The following EXOC6B variants were observed in gnomAD, a reference collection of about 807,000 sequenced individuals.
EXOC6B encodes SEC15 homolog B.
In EXOC6B, 54 loss-of-function variants were observed where a neutral mutation model predicts 113.5. The observed-to-expected ratio is 0.48, with a 90% confidence interval of 0.38 to 0.60. EXOC6B has a LOEUF of 0.60. EXOC6B is among the 20% of genes least tolerant of loss of function. The pLI is 0.00. For missense variants in EXOC6B, 797 were observed against 977.5 expected (o/e 0.82, Z 2.46); for synonymous variants, 357 against 339.0 (o/e 1.05, Z -0.58).
intron 1 of EXOC6B, among the ~76,000 whole-genome samples, chr2:72,806,059 G>A (rs1244454837): frequency 6.6e-6 from 1 of 151,504 alleles, no homozygotes; most frequent in Non-Finnish European, 1.5e-5. Context: ...TTAGATTCAG[G>A]GGTACATGTG....
chr2:72,495,846 T>C (rs910260889), intron 14 of EXOC6B, among the ~76,000 whole-genome samples: 1 of 152,188 alleles, frequency 6.6e-6, no homozygotes, highest in Non-Finnish European at 1.5e-5. Context: ...CATTATGTTA[T>C]ATCAAAGAAG....
chr2:72,734,276 C>G (rs1341469490), intron 2 of EXOC6B, among the ~76,000 whole-genome samples: 1 of 152,166 alleles, frequency 6.6e-6, no homozygotes, highest in Non-Finnish European at 1.5e-5. Flanking sequence ...CTCCAGGAAG[C>G]CTCTTTAAAG....
At chr2:72,809,690 A>G (rs1041591941) in intron 1 of EXOC6B, among the ~76,000 whole-genome samples, 2 of 152,222 alleles carry the variant, frequency 1.3e-5, no homozygotes, top group African/African-American at 4.8e-5. Flanking sequence ...GACACCAAGA[A>G]GACATAGCAA....
chr2:72,401,566 C>CATATATATATATATATGTGT lies in EXOC6B; in HGVS notation c.1981-21697_1981-21696insACACATATATATATATATAT, dbSNP rs1383620831. Among the ~76,000 whole-genome samples, 10 of 14,878 alleles carry CATATATATATATATATGTGT rather than the reference C, an allele frequency of 6.7e-4. 1 individual carries two copies. Among genetic ancestry groups the CATATATATATATATATGTGT allele is most frequent in the South Asian group, 1.5e-3 (1 of 650 alleles). 9.8% of individuals were successfully genotyped at this position (14,878 alleles called of 152,430 possible). A position where few individuals can be genotyped will look rare whatever the true frequency, so the allele number is the denominator to read the frequency against. ...ATATGTGTATATATATATATATATA[C>CATATATATATATATATGTGT]ATATATATATATATACATATATATA... On this transcript the variant is annotated intron_variant, in intron 18 of 21. Transcript: ENST00000272427.
intron 8 of EXOC6B, among the ~76,000 whole-genome samples, chr2:72,550,653 G>T (rs562448366): frequency 7.4e-4 from 113 of 152,146 alleles, no homozygotes; most frequent in African/African-American, 2.6e-3. Context: ...GCAGTTTAAG[G>T]TCTTCCTGCT....
intron 20 of EXOC6B, among the ~76,000 whole-genome samples, chr2:72,280,237 A>G (rs1165273747): frequency 6.6e-6 from 1 of 151,900 alleles, no homozygotes; most frequent in African/African-American, 2.4e-5. Context: ...CCTATCATAG[A>G]TCAGTGATGA....
At chr2:72,740,803 C>T (rs1013539355) in intron 2 of EXOC6B, among the ~76,000 whole-genome samples, 17 of 151,890 alleles carry the variant, frequency 1.1e-4, no homozygotes, top group African/African-American at 4.1e-4. Flanking sequence ...TAAAATATAA[C>T]TTTAAAAGGG....
intron 6 of EXOC6B, among the ~76,000 whole-genome samples, chr2:72,605,364 T>C (rs900085472): frequency 2.6e-5 from 4 of 151,786 alleles, no homozygotes; most frequent in African/African-American, 9.7e-5. Flanking sequence ...GATGAGAACG[T>C]ATGTCACTTA....
chr2:72,279,106 A>G (rs1433071515), intron 20 of EXOC6B, among the ~76,000 whole-genome samples: 1 of 152,198 alleles, frequency 6.6e-6, no homozygotes, highest in Non-Finnish European at 1.5e-5. Flanking sequence ...GCTCCATGAT[A>G]CCAAAAGGAT....
At chr2:72,216,757 C>T (rs1413438268) in intron 20 of EXOC6B, among the ~76,000 whole-genome samples, 4 of 151,996 alleles carry the variant, frequency 2.6e-5, no homozygotes, top group African/African-American at 7.3e-5. Context: ...TGCAGGGACA[C>T]GGGTGAAGCA....
chr2:72,384,547 G>C (rs777650495), intron 18 of EXOC6B, among the ~76,000 whole-genome samples: 2 of 151,862 alleles, frequency 1.3e-5, no homozygotes, highest in Admixed American at 6.6e-5. Flanking sequence ...GAAATAAAAA[G>C]CATCCAAATT....
intron 20 of EXOC6B, among the ~76,000 whole-genome samples, chr2:72,283,872 G>C (rs1008189467): frequency 4.6e-5 from 7 of 152,076 alleles, no homozygotes; most frequent in African/African-American, 1.7e-4. Context: ...CCACAAATTT[G>C]ATAACCTAGA....
intron 8 of EXOC6B, among the ~76,000 whole-genome samples, chr2:72,554,439 G>A: frequency 6.6e-6 from 1 of 152,234 alleles, no homozygotes; most frequent in Middle Eastern, 3.4e-3. Flanking sequence ...TAGATTATGG[G>A]GGCAGTTTCC....
intron 18 of EXOC6B, among the ~76,000 whole-genome samples, chr2:72,401,076 T>TTATA (rs933931680): frequency 2.0e-5 from 3 of 150,870 alleles, no homozygotes; most frequent in African/African-American, 4.9e-5. Flanking sequence ...CAAAGAAATG[T>TTATA]TATATATATA....
intron 20 of EXOC6B, among the ~76,000 whole-genome samples, chr2:72,230,235 G>A (rs577546774): frequency 3.3e-5 from 5 of 152,196 alleles, no homozygotes; most frequent in East Asian, 1.9e-4. Context: ...CCTTCACTGC[G>A]GGACACTTAT....
At chr2:72,822,683 T>TAG (rs1167142127) in intron 1 of EXOC6B, among the ~76,000 whole-genome samples, 7 of 151,374 alleles carry the variant, frequency 4.6e-5, no homozygotes, top group Non-Finnish European at 7.4e-5. Flanking sequence ...ATTTTAGGGA[T>TAG]ATACTAATCT....
chr2:72,326,705 A>C (rs976417819), intron 20 of EXOC6B, among the ~76,000 whole-genome samples: 11 of 151,960 alleles, frequency 7.2e-5, no homozygotes, highest in African/African-American at 1.4e-4. Context: ...GTTCTGTAAA[A>C]GGTCATTCTA....
In EXOC6B at chr2:72,738,803, C is replaced by T. The variant is rs555962627; in HGVS notation, c.279+2501G>A. 3.9e-5 allele frequency among the ~76,000 whole-genome samples: 6 copies of T among 152,200 alleles called. 1 individual carries two copies. The highest frequency in any genetic ancestry group is 1.3e-4 in the Admixed American group (2 of 15,294). On this transcript the variant is annotated intron_variant, in intron 2 of 21. Coordinates refer to ENST00000272427, the MANE Select transcript of EXOC6B (RefSeq NM_015189.3). The stretch of plus-strand genomic sequence containing the variant: ...CCAGCCTGGCCAATATGGCGAAACC[C>T]CATCTCTACTAAAAATACAAAAATT...
At chr2:72,383,460 C>T (rs891817894) in intron 18 of EXOC6B, among the ~76,000 whole-genome samples, 6 of 151,768 alleles carry the variant, frequency 4.0e-5, no homozygotes, top group Non-Finnish European at 5.9e-5. Flanking sequence ...CATCTCAAAC[C>T]GGTCAGAATG....
Sources: allele counts gnomAD v4.1 joint callset (sites outside exome capture counted in the v4.1 genomes callset), GRCh38; gene constraint gnomAD v4.1.1; transcripts MANE v1.5; gene names NCBI Gene and HGNC (gene_info 2026-07-23, HGNC 2026-07-21).